ARFRP1: variants seen among roughly 807,000 people sequenced by gnomAD.
ARFRP1 encodes the protein ARF related protein 1, also known as ADP-ribosylation factor-related protein 1.
In ARFRP1, 19 loss-of-function variants were observed where a neutral mutation model predicts 30.3. The ratio of observed to expected loss-of-function variants is 0.63; its 90% confidence interval spans 0.44 to 0.92. ARFRP1 has a LOEUF of 0.92. ARFRP1 is among the 40% of genes least tolerant of loss of function. The pLI, the probability that ARFRP1 is intolerant of heterozygous loss-of-function variation, is 0.00. For missense variants in ARFRP1, 245 were observed against 267.5 expected (o/e 0.92, Z 0.59); for synonymous variants, 133 against 114.2 (o/e 1.16, Z -1.05).
At chr20:63,707,140 T>C in intron 1 of ARFRP1, 43 bp from the exon 2 acceptor site, 1 of 1,526,484 alleles carries the variant, frequency 6.6e-7, no homozygotes, top group Non-Finnish European at 8.9e-7. Flanking sequence ...AGAAAGCACC[T>C]CCCCTCCCCC....
At position 63,699,377 on chromosome 20, in the gene ARFRP1, G is replaced by A. The variant is rs2091080115; in HGVS notation, c.*1066C>T. 6.6e-6 allele frequency: 1 copy of A among 152,188 alleles called. No individual in the cohort carries two copies. The highest frequency in any genetic ancestry group is 1.5e-5 in the Non-Finnish European group (1 of 68,090). 9.4% of individuals were successfully genotyped at this position (152,188 alleles called of 1,614,324 possible). ...TGTCCTTCCCACATCCGCAGGAAGGGAGTGCCTGGACTCTCCAGGCCCACC... is the reference window on the plus strand; with the variant it reads ...TGTCCTTCCCACATCCGCAGGAAGGAAGTGCCTGGACTCTCCAGGCCCACC... On this transcript the variant is annotated 3_prime_UTR_variant, in exon 8 of 8. Transcript: ENST00000622789.
intron 3 of ARFRP1, 93 bp downstream of exon 3, chr20:63,706,558 G>A: frequency 1.2e-5 from 18 of 1,511,090 alleles, no homozygotes; most frequent in Non-Finnish European, 1.7e-5. Flanking sequence ...CTTGAGAGGG[G>A]CCCGACAGGG....
Position 63,700,592 on chromosome 20 carries a change from C to T in ARFRP1, c.518+10G>A, listed in dbSNP as rs1184741156. The T allele has an allele frequency of 1.9e-6, 3 of 1,610,458 alleles. No individual in the cohort carries two copies. The highest frequency in any genetic ancestry group is 1.1e-5 in the South Asian group (1 of 91,020). On this transcript the variant is annotated intron_variant, in intron 7 of 7. Coordinates refer to ENST00000622789, the MANE Select transcript of ARFRP1 (RefSeq NM_001267547.3). ...TCCCCAAAGCCCCCGCAGGTGCAGC[C>T]CCCACTCACCCTGTGAGGGCCGAGC...
chr20:63,701,597 A>C, intron 6 of ARFRP1: 1 of 590,438 alleles, frequency 1.7e-6, no homozygotes, highest in Admixed American at 3.0e-5. Context: ...CATAGCAGGA[A>C]GAGGCCTCTG....
At chr20:63,702,248 G>C in intron 4 of ARFRP1, 31 bp from the exon 5 acceptor site, 2 of 1,592,024 alleles carry the variant, frequency 1.3e-6, no homozygotes, top group Non-Finnish European at 1.7e-6. Context: ...TTGGGGCTCA[G>C]TCCCCACCCT....
In ARFRP1 at chr20:63,706,687, T is replaced by A. The variant is rs368456471; in HGVS notation, c.145A>T (p.Ser49Cys). ...TRFNKNYKGM[S>C]LSKITTTVGL... ...ACGGTGGTGGTGATTTTGGATAGAC[T>A]CATCCCCTTGTAGTTCTTGTTAAAT... The change falls in exon 3 of 8, where the codon AGT becomes TGT. Residue 49 changes from serine (S) to cysteine (C), a missense_variant. Physicochemically the swap from Ser to Cys is moderately radical, Grantham distance 112. Coordinates refer to ENST00000622789, the MANE Select transcript of ARFRP1 (RefSeq NM_001267547.3). The A allele has an allele frequency of 6.2e-7, 1 of 1,613,908 alleles. No individual in the cohort carries two copies. The highest frequency in any genetic ancestry group is 1.3e-5 in the African/African-American group (1 of 74,928).
chr20:63,705,256 C>T (rs1006489017), intron 4 of ARFRP1: 1 of 160,096 alleles, frequency 6.2e-6, no homozygotes, highest in Non-Finnish European at 1.4e-5. Context: ...GGCTAGAAGT[C>T]ACAGCAGGAG....
intron 2 of ARFRP1, 57 bp downstream of exon 2, chr20:63,706,942 C>T (rs1185491597): frequency 6.3e-7 from 1 of 1,598,604 alleles, no homozygotes; most frequent in East Asian, 2.2e-5. Context: ...CAGCACAAAA[C>T]CGAAGGGGGC....
chr20:63,700,297 G>A lies in ARFRP1; in HGVS notation c.*146C>T, dbSNP rs570610907. The A allele has an allele frequency of 6.3e-5, 77 of 1,226,414 alleles. No homozygotes were observed. The highest frequency in any genetic ancestry group is 2.8e-4 in the Middle Eastern group (1 of 3,616). The allele number at this position is 1,226,414 out of a possible 1,614,324, so 76.0% of individuals were successfully genotyped here. Reference sequence around the variant, plus strand: ...TGCCTACGCTTTTCCAGACATAGAGGAAAGTTTGTCTTCGAGAAAACAAAG... The same window carrying A: ...TGCCTACGCTTTTCCAGACATAGAGAAAAGTTTGTCTTCGAGAAAACAAAG... On this transcript the variant is annotated 3_prime_UTR_variant, in exon 8 of 8. Transcript: ENST00000622789.
Position 63,699,154 on chromosome 20 carries a change from C to G in ARFRP1, c.*1289G>C, listed in dbSNP as rs1046420864. 1 of 152,280 alleles carries G rather than the reference C, an allele frequency of 6.6e-6. No homozygotes were observed. Among genetic ancestry groups the G allele is most frequent in the Non-Finnish European group, 1.5e-5 (1 of 68,056 alleles). The allele number at this position is 152,280 out of a possible 1,614,324, so 9.4% of individuals were successfully genotyped here. ...CCGGGGGGCTGCACCAGCCACTCGC[C>G]TCCCCAGCACGGCCAGGTTCCCGGG... On this transcript the variant is annotated 3_prime_UTR_variant, in exon 8 of 8. Transcript: ENST00000622789.
At chr20:63,707,363 A>G (rs942232050) in intron 1 of ARFRP1, 3 of 404,388 alleles carry the variant, frequency 7.4e-6, no homozygotes, top group Non-Finnish European at 1.4e-5. Flanking sequence ...GGGACTACCC[A>G]GCCGGGTGTT....
chr20:63,705,838 G>A lies in ARFRP1; in HGVS notation c.264+519C>T, dbSNP rs554718523. The A allele has an allele frequency of 1.3e-4, 62 of 494,918 alleles. 1 individual carries two copies. Among genetic ancestry groups the A allele is most frequent in the South Asian group, 9.3e-4 (62 of 66,724 alleles). The allele number at this position is 494,918 out of a possible 1,614,324, so 30.7% of individuals were successfully genotyped here. A position where few individuals can be genotyped will look rare whatever the true frequency, so the allele number is the denominator to read the frequency against. On this transcript the variant is annotated intron_variant, in intron 4 of 7. Transcript: ENST00000622789. Reference sequence around the variant, plus strand: ...CTGACCTCTCTGACTTGGCCAGCGAGGTTGCCCTTAGGCTCAAACCCAAGC... The same window carrying A: ...CTGACCTCTCTGACTTGGCCAGCGAAGTTGCCCTTAGGCTCAAACCCAAGC...
intron 4 of ARFRP1, chr20:63,705,705 TCAG>T (rs1416613277): frequency 7.5e-6 from 4 of 533,028 alleles, no homozygotes; most frequent in Non-Finnish European, 1.5e-5. Context: ...CCTGTGGTGG[TCAG>T]CAGCAAGGTC....
intron 6 of ARFRP1, chr20:63,701,291 G>T (rs773085775): frequency 1.3e-5 from 7 of 530,476 alleles, no homozygotes; most frequent in Non-Finnish European, 2.3e-5. Context: ...GATTCACCTG[G>T]CCCTCTGGAC....
chr20:63,700,554 C>T (rs377188250), intron 7 of ARFRP1, 24 bp from the exon 8 acceptor site: 105 of 1,610,442 alleles, frequency 6.5e-5, no homozygotes, highest in Admixed American at 2.5e-4. Context: ...GGGTGTGAGG[C>T]GGGGGGTCTC....
rs760205392 is a variant in ARFRP1 at position 63,700,468 on chromosome 20, G to C, written c.581C>G (p.Pro194Arg). The change falls in exon 8 of 8, where the codon CCG becomes CGG. Residue 194 changes from proline to arginine, a missense_variant. Transcript: ENST00000622789. ...CTACGTGATGTCCCTCTGCCGCGGC[G>C]GCCGGTGCACATTCCGCACGACACA... is the stretch of plus-strand genomic sequence containing the variant. ...VKCVVRNVHR[P>R]PRQRDIT 6.2e-7 allele frequency: 1 copy of C among 1,609,792 alleles called. No individual in the cohort carries two copies. The highest frequency in any genetic ancestry group is 8.5e-7 in the Non-Finnish European group (1 of 1,179,844).
Position 63,701,864 on chromosome 20 carries a change from G to A in ARFRP1, c.383C>T (p.Pro128Leu). The A allele has an allele frequency of 6.4e-7, 1 of 1,550,520 alleles. No individual in the cohort carries two copies. Among genetic ancestry groups the A allele is most frequent in the East Asian group, 2.4e-5 (1 of 41,044 alleles). ...VVTSEALCGVPVLVLANKQDV... is the reference protein window; with the variant it reads ...VVTSEALCGVLVLVLANKQDV... ...CTGCTTGTTGGCCAGCACCAAGACG[G>A]GGACACCGCACAGCGCCTCGCTGGT... The change falls in exon 6 of 8, where the codon CCC becomes CTC. Residue 128 changes from proline to leucine, a missense_variant. By Grantham distance (98) the Pro-to-Leu change is moderately conservative. Transcript: ENST00000622789.
At chr20:63,700,922 ACGG>A (rs1243687639) in intron 6 of ARFRP1, 1 of 623,416 alleles carries the variant, frequency 1.6e-6, no homozygotes, top group Non-Finnish European at 2.7e-6. Flanking sequence ...AGACGTCCAC[ACGG>A]CTCCAAGGAG....
Position 63,700,634 on chromosome 20 carries a change from A to C in ARFRP1, c.486T>G (p.Asp162Glu). The change falls in exon 7 of 8, where the codon GAT (aspartate) becomes GAG (glutamate). Residue 162 changes from aspartate to glutamate, a missense_variant. Asp to Glu is a conservative substitution (Grantham distance 45). Transcript: ENST00000622789. ...GGGCCGAGCAGGCCTGGGTCAGGCA[A>C]TCTCGCCTGCCGATCTTGCTGGTGC... ...SDCTSKIGRR[D>E]CLTQACSALT... is the part of the protein sequence containing the mutation. 1.2e-6 allele frequency: 2 copies of C among 1,610,776 alleles called. No individual in the cohort carries two copies. Among genetic ancestry groups the C allele is most frequent in the Non-Finnish European group, 1.7e-6 (2 of 1,179,834 alleles).
Sources: gnomAD v4.1 joint callset for allele counts on GRCh38, gnomAD v4.1.1 for gene constraint, MANE v1.5 for transcripts, NCBI Gene and HGNC (gene_info 2026-07-23, HGNC 2026-07-21) for gene names.